DMD: variants seen among roughly 807,000 people sequenced by gnomAD.
The protein encoded by DMD is mutant dystrophin.
DMD carries 63 observed loss-of-function variants against 330.1 expected under a neutral mutation model. The observed-to-expected ratio is 0.19, with a 90% CI of 0.16 to 0.24. The LOEUF (loss-of-function observed/expected upper bound fraction) is 0.24, where lower values mean the gene tolerates loss of function less well. Ranked by LOEUF, DMD falls within the 10% of genes least tolerant of loss-of-function variation. The pLI is 1.00. For missense variants in DMD, 3,344 were observed against 2,684.1 expected (o/e 1.25, Z -5.43); for synonymous variants, 1,223 against 959.8 (o/e 1.27, Z -5.07).
At chrX:31,196,439 G>A (rs746314446) in intron 67 of DMD, among the ~76,000 whole-genome samples, 2 of 111,088 alleles carry the variant, frequency 1.8e-5, no homozygotes, top group Admixed American at 9.6e-5. Context: ...GGAACCAAAG[G>A]GCCCACAGTC....
chrX:32,390,799 C>T (rs1168290257), intron 30 of DMD, among the ~76,000 whole-genome samples: 3 of 111,380 alleles, frequency 2.7e-5, no homozygotes, highest in Non-Finnish European at 3.8e-5. Context: ...TGATTATAGG[C>T]GTGAGCCACT....
intron 76 of DMD, among the ~76,000 whole-genome samples, chrX:31,135,625 G>C (rs1048580641): frequency 8.9e-6 from 1 of 112,366 alleles, no homozygotes; most frequent in African/African-American, 3.2e-5. Flanking sequence ...ATCTGTGTCT[G>C]TATTGTTTGT....
intron 13 of DMD, among the ~76,000 whole-genome samples, chrX:32,577,347 C>G (rs2053172311): frequency 8.9e-6 from 1 of 112,005 alleles, no homozygotes; most frequent in African/African-American, 3.3e-5. Context: ...TTTAAGCCAC[C>G]AGTCCATGTT....
upstream of DMD, among the ~76,000 whole-genome samples, chrX:33,215,950 T>C (rs1457716106): frequency 8.9e-6 from 1 of 112,032 alleles, no homozygotes; most frequent in Admixed American, 9.5e-5. Context: ...TGAAGTCAGG[T>C]AGTGTGATGC....
intron 29 of DMD, among the ~76,000 whole-genome samples, chrX:32,422,032 T>C (rs1336590519): frequency 3.6e-5 from 4 of 111,511 alleles, no homozygotes; most frequent in Non-Finnish European, 5.7e-5. Context: ...CAGGGAACTA[T>C]GGCTGTGAAG....
intron 44 of DMD, among the ~76,000 whole-genome samples, chrX:32,195,533 T>C (rs2096995532): frequency 8.9e-6 from 1 of 112,525 alleles, no homozygotes; most frequent in South Asian, 3.6e-4. Flanking sequence ...TCTATTTGTG[T>C]TTGCATTTAT....
intron 7 of DMD, among the ~76,000 whole-genome samples, chrX:32,734,886 T>G (rs1232245532): frequency 5.8e-5 from 6 of 103,512 alleles, no homozygotes; most frequent in Non-Finnish European, 7.8e-5. Context: ...ACCACTCCTA[T>G]TCAACATAGT....
At chrX:31,737,711 A>T (rs201322974) in intron 51 of DMD, among the ~76,000 whole-genome samples, 2 of 76,761 alleles carry the variant, frequency 2.6e-5, no homozygotes, top group Non-Finnish European at 5.4e-5. Flanking sequence ...GCAACAGTAT[A>T]AAAAAAATAA....
chrX:32,958,777 T>C (rs1419442258), intron 2 of DMD, among the ~76,000 whole-genome samples: 1 of 111,482 alleles, frequency 9.0e-6, no homozygotes, highest in Non-Finnish European at 1.9e-5. Flanking sequence ...GGTTAATTTA[T>C]TACCTCATTC....
At chrX:32,539,634 T>C (rs913887188) in intron 17 of DMD, among the ~76,000 whole-genome samples, 2 of 111,678 alleles carry the variant, frequency 1.8e-5, no homozygotes, top group Middle Eastern at 4.2e-3. Flanking sequence ...ATAATCAATA[T>C]CTAAAACAAA....
At chrX:32,800,920 T>A (rs2076515003) in intron 7 of DMD, among the ~76,000 whole-genome samples, 1 of 111,870 alleles carries the variant, frequency 8.9e-6, no homozygotes, top group Admixed American at 9.5e-5. Flanking sequence ...ATGGTGTATA[T>A]GTGCCAAATT....
At chrX:32,959,258 A>G (rs761463186) in intron 2 of DMD, among the ~76,000 whole-genome samples, 66 of 111,462 alleles carry the variant, frequency 5.9e-4, no homozygotes, top group Admixed American at 1.5e-3. Flanking sequence ...TTTGCCTGAG[A>G]GCATTCAGTG....
intron 42 of DMD, among the ~76,000 whole-genome samples, chrX:32,298,984 G>A: frequency 9.0e-6 from 1 of 110,896 alleles, no homozygotes; most frequent in African/African-American, 3.3e-5. Flanking sequence ...TGCCATGGTG[G>A]GATTATATAC....
chrX:31,144,385 A>C (rs2036445185), intron 76 of DMD, among the ~76,000 whole-genome samples: 1 of 111,991 alleles, frequency 8.9e-6, no homozygotes, highest in South Asian at 3.8e-4. Context: ...GTGATCTCCA[A>C]GTAAAATCTT....
intron 1 of DMD, among the ~76,000 whole-genome samples, chrX:33,285,807 T>C (rs762537288): frequency 7.1e-5 from 8 of 112,426 alleles, no homozygotes; most frequent in Non-Finnish European, 1.3e-4. Flanking sequence ...CATACCACTA[T>C]GGAGATGGCC....
intron 53 of DMD, among the ~76,000 whole-genome samples, chrX:31,675,875 A>T (rs1235155328): frequency 8.9e-6 from 1 of 112,789 alleles, no homozygotes; most frequent in African/African-American, 3.2e-5. Flanking sequence ...ATATATGTAG[A>T]TAAGAACTAG....
At chrX:33,136,181 G>A (rs1424023327) in intron 1 of DMD, among the ~76,000 whole-genome samples, 1 of 104,485 alleles carries the variant, frequency 9.6e-6, no homozygotes, top group Non-Finnish European at 1.9e-5. Flanking sequence ...TCAGCCAGGC[G>A]TGGTGGCACG....
chrX:31,524,108 A>T (rs2073069137), intron 55 of DMD, among the ~76,000 whole-genome samples: 2 of 112,084 alleles, frequency 1.8e-5, no homozygotes, highest in South Asian at 7.4e-4. Context: ...TATAAATTCA[A>T]ATGATGGCTC....
rs57376337 is a variant in DMD, at chrX:32,435,275, C to CATATATATAT, written c.4071+2956_4071+2965dup. 7.0e-3 allele frequency among the ~76,000 whole-genome samples: 555 copies of CATATATATAT among 79,616 alleles called. 6 individuals are homozygous for CATATATATAT. Among genetic ancestry groups the CATATATATAT allele is most frequent in the African/African-American group, 0.02 (494 of 24,525 alleles). The allele number at this position is 79,616 out of a possible 115,157, so 69.1% of individuals were successfully genotyped here. Reference sequence around the variant, plus strand: ...ATTTACATATTTTAATATATACTTACATATATATATATATATATATATTTA... The same window carrying CATATATATAT: ...ATTTACATATTTTAATATATACTTACATATATATATATATATATATATATATATATATTTA... On this transcript the variant is annotated intron_variant, in intron 29 of 78. Transcript: ENST00000357033.
Sources: gnomAD v4.1 joint callset for allele counts (sites outside exome capture counted in the v4.1 genomes callset) on GRCh38, gnomAD v4.1.1 for gene constraint, MANE v1.5 for transcripts, NCBI Gene and HGNC (gene_info 2026-07-23, HGNC 2026-07-21) for gene names.